PDE4D: variants seen among roughly 807,000 people sequenced by gnomAD.
PDE4D encodes the protein 3',5'-cyclic-AMP phosphodiesterase 4D.
A neutral mutation model predicts 87.4 loss-of-function variants in PDE4D; 24 were observed. That is an observed-to-expected ratio of 0.27 (90% CI 0.20 to 0.39). The LOEUF (loss-of-function observed/expected upper bound fraction) is 0.39, where lower values mean the gene tolerates loss of function less well. Among genes scored for constraint, PDE4D ranks in the 10% least tolerant of loss-of-function variants. PDE4D has a pLI of 1.00. For missense variants in PDE4D, 714 were observed against 1,041.0 expected, an observed-to-expected ratio of 0.69 and a Z score of 4.32; for synonymous variants, 384 against 383.2, an observed-to-expected ratio of 1.00 and a Z score of -0.02.
intron 1 of PDE4D, among the ~76,000 whole-genome samples, chr5:60,505,388 T>C (rs781076577): frequency 5.9e-5 from 9 of 152,246 alleles, no homozygotes; most frequent in Non-Finnish European, 1.0e-4. Flanking sequence ...ATAAAGCCTT[T>C]GTCTTGCTGG....
chr5:59,122,837 C>A (rs1231560959), intron 5 of PDE4D, among the ~76,000 whole-genome samples: 1 of 152,104 alleles, frequency 6.6e-6, no homozygotes, highest in Non-Finnish European at 1.5e-5. Flanking sequence ...TTAAGAAGTT[C>A]TTTTCTCAAG....
At chr5:59,133,939 G>C (rs745545179) in intron 5 of PDE4D, among the ~76,000 whole-genome samples, 1 of 151,960 alleles carries the variant, frequency 6.6e-6, no homozygotes, top group Non-Finnish European at 1.5e-5. Context: ...AATGTTTTAC[G>C]ACACAGCCTC....
intron 1 of PDE4D, among the ~76,000 whole-genome samples, chr5:59,301,968 T>C (rs1770341338): frequency 6.6e-6 from 1 of 152,144 alleles, no homozygotes; most frequent in Non-Finnish European, 1.5e-5. Flanking sequence ...ACCAGGCATC[T>C]GCAGTAAGGG....
chr5:59,781,535 C>T (rs780713544), intron 1 of PDE4D, among the ~76,000 whole-genome samples: 5 of 151,974 alleles, frequency 3.3e-5, no homozygotes, highest in Non-Finnish European at 4.4e-5. Context: ...TGCTTGTAAT[C>T]CCAGCACTTT....
At chr5:60,218,392 A>G (rs76213262) in intron 1 of PDE4D, among the ~76,000 whole-genome samples, 522 of 152,122 alleles carry the variant, frequency 3.4e-3, no homozygotes, top group Middle Eastern at 0.02. Flanking sequence ...GATTTTTTAA[A>G]TCTTGCTTTA....
intron 1 of PDE4D, among the ~76,000 whole-genome samples, chr5:60,220,131 G>A (rs1744318750): frequency 6.6e-6 from 1 of 152,122 alleles, no homozygotes; most frequent in Non-Finnish European, 1.5e-5. Context: ...AAACTCCCAG[G>A]TCTCCAGGCT....
intron 1 of PDE4D, among the ~76,000 whole-genome samples, chr5:59,728,680 C>T (rs1756947016): frequency 6.6e-6 from 1 of 152,022 alleles, no homozygotes; most frequent in Non-Finnish European, 1.5e-5. Flanking sequence ...TTTCCTGTGA[C>T]TATATGGCAC....
chr5:59,704,830 C>A (rs1753151373), intron 1 of PDE4D, among the ~76,000 whole-genome samples: 1 of 152,114 alleles, frequency 6.6e-6, no homozygotes, highest in Non-Finnish European at 1.5e-5. Context: ...GTATCATAAT[C>A]CAACTTACAT....
intron 1 of PDE4D, among the ~76,000 whole-genome samples, chr5:59,327,132 TACACACAC>T (rs3061651): frequency 0.22 from 30,562 of 141,584 alleles, 3,527 homozygotes; most frequent in Admixed American, 0.29. Context: ...GAAACAGAAA[TACACACAC>T]ACACACACAC....
intron 2 of PDE4D, among the ~76,000 whole-genome samples, chr5:60,090,931 TAC>T (rs1038631229): frequency 6.6e-6 from 1 of 151,944 alleles, no homozygotes; most frequent in Non-Finnish European, 1.5e-5. Context: ...TTACAATACT[TAC>T]ACACACACAC....
chr5:59,273,191 G>A (rs1000155106), intron 1 of PDE4D, among the ~76,000 whole-genome samples: 3 of 152,142 alleles, frequency 2.0e-5, no homozygotes, highest in African/African-American at 7.2e-5. Context: ...AATGAGGGTA[G>A]GGTGGTGGTG....
At chr5:60,112,734 G>A (rs796490609) in intron 2 of PDE4D, among the ~76,000 whole-genome samples, 15 of 152,130 alleles carry the variant, frequency 9.9e-5, no homozygotes, top group Middle Eastern at 3.4e-3. Flanking sequence ...ACCCTCTGCC[G>A]ACTATGAGTC....
chr5:59,115,409 T>C (rs1773437084), intron 5 of PDE4D, among the ~76,000 whole-genome samples: 1 of 152,182 alleles, frequency 6.6e-6, no homozygotes, highest in African/African-American at 2.4e-5. Context: ...TTTCAGGCCA[T>C]CAGCTGACAT....
intron 1 of PDE4D, chr5:59,356,865 G>C: frequency 6.5e-7 from 1 of 1,533,868 alleles, no homozygotes; most frequent in Non-Finnish European, 8.6e-7. Flanking sequence ...ACGATGCCAA[G>C]ATCCCCAGGA....
intron 1 of PDE4D, among the ~76,000 whole-genome samples, chr5:60,503,159 C>T (rs566571829): frequency 1.4e-4 from 21 of 152,086 alleles, no homozygotes; most frequent in African/African-American, 4.1e-4. Flanking sequence ...TTAACCATCA[C>T]GAATAAAAAT....
At chr5:60,241,554 A>T (rs1747128422) in intron 1 of PDE4D, among the ~76,000 whole-genome samples, 1 of 152,022 alleles carries the variant, frequency 6.6e-6, no homozygotes, top group Non-Finnish European at 1.5e-5. Flanking sequence ...GCCCAGCTGG[A>T]GTCTCTTAAT....
At chr5:59,235,414 T>G (rs577696831) in intron 1 of PDE4D, among the ~76,000 whole-genome samples, 1 of 152,274 alleles carries the variant, frequency 6.6e-6, no homozygotes, top group Non-Finnish European at 1.5e-5. Context: ...GGGCAATAAG[T>G]GATGGGATTG....
intron 3 of PDE4D, among the ~76,000 whole-genome samples, chr5:59,915,098 C>T (rs1046054452): frequency 7.9e-5 from 12 of 151,964 alleles, no homozygotes; most frequent in African/African-American, 2.7e-4. Flanking sequence ...AAGTGGAGTA[C>T]AAAAACATAG....
intron 3 of PDE4D, among the ~76,000 whole-genome samples, chr5:59,920,358 T>C (rs1342997604): frequency 6.6e-6 from 1 of 152,238 alleles, no homozygotes; most frequent in Non-Finnish European, 1.5e-5. Flanking sequence ...CAAACACTAT[T>C]TTTGTTCTAA....
Sources: allele counts gnomAD v4.1 joint callset (sites outside exome capture counted in the v4.1 genomes callset), GRCh38; gene constraint gnomAD v4.1.1; transcripts MANE v1.5; gene names NCBI Gene and HGNC (gene_info 2026-07-23, HGNC 2026-07-21).